Variants in LRP1B observed in about 807,000 individuals in gnomAD.
The protein encoded by LRP1B is low-density lipoprotein receptor-related protein 1B.
LRP1B carries 217 observed loss-of-function variants against 556.6 expected under a neutral mutation model. The ratio of observed to expected loss-of-function variants is 0.39; its 90% CI spans 0.35 to 0.44. The LOEUF (loss-of-function observed/expected upper bound fraction) is 0.44, where lower values mean the gene tolerates loss of function less well. Among genes scored for constraint, LRP1B ranks in the 20% least tolerant of loss-of-function variants. LRP1B has a pLI of 1.00. For synonymous variants in LRP1B, 2,047 were observed against 1,865.8 expected (o/e 1.10, Z -2.50); for missense variants, 5,053 against 5,620.8 (o/e 0.90, Z 3.23).
intron 1 of LRP1B, among the ~76,000 whole-genome samples, chr2:142,049,142 T>C (rs1403750988): frequency 6.6e-6 from 1 of 152,052 alleles, no homozygotes; most frequent in Non-Finnish European, 1.5e-5. Flanking sequence ...CCCCTTTTTT[T>C]CTAACAAAAA....
intron 77 of LRP1B, among the ~76,000 whole-genome samples, chr2:140,343,252 G>A (rs1255964671): frequency 6.6e-6 from 1 of 151,508 alleles, no homozygotes; most frequent in East Asian, 1.9e-4. Context: ...TTTTGATGCC[G>A]GTTTTGGCAA....
intron 2 of LRP1B, among the ~76,000 whole-genome samples, chr2:141,624,618 C>A (rs1005475050): frequency 6.6e-5 from 10 of 151,942 alleles, no homozygotes; most frequent in Non-Finnish European, 1.2e-4. Flanking sequence ...TAGATATAGG[C>A]CCAAATATGC....
chr2:141,963,117 C>CTTA (rs1701449146), intron 1 of LRP1B, among the ~76,000 whole-genome samples: 1 of 151,868 alleles, frequency 6.6e-6, no homozygotes, highest in South Asian at 2.1e-4. Flanking sequence ...CTGCATAAAA[C>CTTA]TTATATATTT....
intron 1 of LRP1B, among the ~76,000 whole-genome samples, chr2:141,939,723 C>T (rs894187112): frequency 6.6e-5 from 10 of 151,964 alleles, no homozygotes; most frequent in Non-Finnish European, 1.2e-4. Flanking sequence ...TATCACTGTT[C>T]ATCATTGCTC....
intron 83 of LRP1B, among the ~76,000 whole-genome samples, chr2:140,306,439 A>G (rs1478415831): frequency 6.6e-6 from 1 of 151,906 alleles, no homozygotes; most frequent in African/African-American, 2.4e-5. Flanking sequence ...GTTTATTTGC[A>G]TAGAGGTGTT....
intron 2 of LRP1B, among the ~76,000 whole-genome samples, chr2:141,544,347 T>TTC (rs1685443217): frequency 8.3e-5 from 7 of 84,812 alleles, no homozygotes; most frequent in African/African-American, 2.2e-4. Flanking sequence ...CTTCTTCTTC[T>TTC]TCTTCTTCTT....
intron 41 of LRP1B, among the ~76,000 whole-genome samples, chr2:140,650,572 C>A (rs1413135058): frequency 1.3e-5 from 2 of 152,074 alleles, no homozygotes; most frequent in African/African-American, 2.4e-5. Context: ...TGGTCTCAAA[C>A]TCCTGAACTC....
intron 32 of LRP1B, among the ~76,000 whole-genome samples, chr2:140,808,956 C>A (rs548488552): frequency 6.6e-6 from 1 of 152,206 alleles, no homozygotes; most frequent in South Asian, 2.1e-4. Context: ...GTATACTATA[C>A]CAGCTCTACC....
At chr2:141,838,504 T>C (rs573585223) in intron 1 of LRP1B, among the ~76,000 whole-genome samples, 1 of 152,300 alleles carries the variant, frequency 6.6e-6, no homozygotes, top group Non-Finnish European at 1.5e-5. Context: ...GAGGACAAAA[T>C]TAGGTAATAA....
chr2:140,627,875 G>A (rs1296653508), intron 41 of LRP1B, among the ~76,000 whole-genome samples: 1 of 151,244 alleles, frequency 6.6e-6, no homozygotes, highest in Non-Finnish European at 1.5e-5. Context: ...GGAGTTAAAT[G>A]GCAAAAGGAT....
chr2:141,796,272 A>G (rs2105675007), intron 2 of LRP1B, among the ~76,000 whole-genome samples: 1 of 152,186 alleles, frequency 6.6e-6, no homozygotes, highest in East Asian at 1.9e-4. Flanking sequence ...ACCCAATTAC[A>G]TGGTTCCAAT....
At chr2:140,348,905 A>T (rs1385194443) in intron 77 of LRP1B, among the ~76,000 whole-genome samples, 1 of 152,134 alleles carries the variant, frequency 6.6e-6, no homozygotes, top group Non-Finnish European at 1.5e-5. Flanking sequence ...ACCAGGGACC[A>T]GTTTCATGGA....
intron 1 of LRP1B, among the ~76,000 whole-genome samples, chr2:141,987,719 CT>C (rs1412788536): frequency 2.0e-5 from 3 of 151,690 alleles, no homozygotes; most frequent in Non-Finnish European, 4.4e-5. Flanking sequence ...TTTTATAAAG[CT>C]TTTCAAAAAT....
chr2:141,277,999 A>G (rs893627789), intron 3 of LRP1B, among the ~76,000 whole-genome samples: 1 of 152,208 alleles, frequency 6.6e-6, no homozygotes, highest in Non-Finnish European at 1.5e-5. Context: ...GAAAATAATA[A>G]GAAAACATTA....
intron 2 of LRP1B, among the ~76,000 whole-genome samples, chr2:141,525,203 T>A (rs1360291288): frequency 1.3e-5 from 2 of 152,066 alleles, no homozygotes; most frequent in East Asian, 1.9e-4. Flanking sequence ...TTTTAGGTGA[T>A]GCTCGGCTGA....
chr2:141,518,035 A>C (rs1393200569), intron 2 of LRP1B, among the ~76,000 whole-genome samples: 1 of 152,154 alleles, frequency 6.6e-6, no homozygotes, highest in Non-Finnish European at 1.5e-5. Context: ...CCCTGACATT[A>C]TGACATTTAC....
intron 23 of LRP1B, among the ~76,000 whole-genome samples, chr2:140,891,253 T>A (rs1204591313): frequency 2.0e-5 from 3 of 150,982 alleles, no homozygotes; most frequent in African/African-American, 7.2e-5. Context: ...TACAATTATC[T>A]TCTTTGTTTT....
intron 12 of LRP1B, among the ~76,000 whole-genome samples, chr2:141,018,580 A>G (rs72975031): frequency 0.073 from 11,146 of 152,098 alleles, 462 homozygotes; most frequent in Non-Finnish European, 0.081. Flanking sequence ...ATATGTTTCT[A>G]TGAATTCCAC....
At chr2:140,771,891 T>C (rs1386939598) in intron 33 of LRP1B, among the ~76,000 whole-genome samples, 1 of 152,260 alleles carries the variant, frequency 6.6e-6, no homozygotes, top group Admixed American at 6.5e-5. Flanking sequence ...TCTATATCAA[T>C]AGTTCTCTGT....
Sources: allele counts gnomAD v4.1 joint callset (sites outside exome capture counted in the v4.1 genomes callset), GRCh38; gene constraint gnomAD v4.1.1; transcripts MANE v1.5; gene names NCBI Gene and HGNC (gene_info 2026-07-23, HGNC 2026-07-21).